Variants in GAS2 observed in about 807,000 individuals in gnomAD.
The protein encoded by GAS2 is growth arrest specific 2, also known as growth arrest-specific protein 2.
Under a neutral mutation model 37.5 loss-of-function variants are expected in GAS2, and 20 were observed. That is an observed-to-expected ratio of 0.53 (90% confidence interval 0.37 to 0.77). GAS2 has a LOEUF of 0.77. Ranked by LOEUF, GAS2 falls within the 30% of genes least tolerant of loss-of-function variation. GAS2 has a pLI of 0.00. For missense variants in GAS2, 336 were observed against 373.4 expected (o/e 0.90, Z 0.82); for synonymous variants, 144 against 132.2 (o/e 1.09, Z -0.61).
chr11:22,631,622 T>C (rs1858746026), intron 1 of GAS2, among the ~76,000 whole-genome samples: 1 of 152,300 alleles, frequency 6.6e-6, no homozygotes, highest in East Asian at 1.9e-4. Flanking sequence ...TGAACCACAT[T>C]TTTTGACTTG....
chr11:22,651,521 C>G (rs1326313784), intron 1 of GAS2, among the ~76,000 whole-genome samples: 1 of 152,200 alleles, frequency 6.6e-6, no homozygotes, highest in Non-Finnish European at 1.5e-5. Flanking sequence ...TGTTTTCCAA[C>G]TTGGTTCCAT....
At chr11:22,676,611 A>G (rs1849440062) in intron 2 of GAS2, among the ~76,000 whole-genome samples, 1 of 152,112 alleles carries the variant, frequency 6.6e-6, no homozygotes, top group African/African-American at 2.4e-5. Flanking sequence ...TGAATGATTA[A>G]AATATGTATA....
At position 22,654,799 on chromosome 11, in the gene GAS2, T is replaced by C. The variant is rs1010013657; in HGVS notation, c.-20-20051T>C. 1.1e-4 allele frequency among the ~76,000 whole-genome samples: 17 copies of C among 152,202 alleles called. 1 individual carries two copies. The highest frequency in any genetic ancestry group is 7.3e-5 in the Non-Finnish European group (5 of 68,042). ...CTTATTATTTATCTGATAAAGGATA[T>C]ATTCCTTGCCCAGGTAGTATCTCCC... On this transcript the variant is annotated intron_variant, in intron 1 of 5. Coordinates refer to the GAS2 transcript ENST00000528582.
intron 5 of GAS2, among the ~76,000 whole-genome samples, chr11:22,744,368 T>G (rs115975675): frequency 0.013 from 2,042 of 152,230 alleles, 52 homozygotes; most frequent in African/African-American, 0.047. Flanking sequence ...CAGGCCAATA[T>G]TTCTGCTGAA....
intron 3 of GAS2, among the ~76,000 whole-genome samples, chr11:22,691,112 G>A (rs559239217): frequency 6.6e-6 from 1 of 152,136 alleles, no homozygotes; most frequent in South Asian, 2.1e-4. Flanking sequence ...AGCAGATGAA[G>A]GAGGGGGCGG....
intron 7 of GAS2, among the ~76,000 whole-genome samples, chr11:22,805,529 C>G (rs905050560): frequency 6.6e-6 from 1 of 152,034 alleles, no homozygotes; most frequent in Non-Finnish European, 1.5e-5. Flanking sequence ...TCCTATCACC[C>G]TCACCCACCA....
At position 22,675,817 on chromosome 11, in the gene GAS2, T is replaced by G. The variant is rs909314039; in HGVS notation, c.145+803T>G. Among the ~76,000 whole-genome samples, 7 of 152,196 alleles carry G rather than the reference T, an allele frequency of 4.6e-5. No homozygotes were observed. In the East Asian group the frequency reaches 1.3e-3, roughly 29 times the overall value. ...TTTGCAGGGGAGATTTCATCAACAC[T>G]ATTTTATTATTTAAATCATCTGTCA... On this transcript the variant is annotated intron_variant, in intron 2 of 7. Coordinates refer to ENST00000454584, the MANE Select transcript of GAS2 (RefSeq NM_001143830.3).
chr11:22,738,556 G>C (rs1852878697), intron 5 of GAS2, among the ~76,000 whole-genome samples: 1 of 152,108 alleles, frequency 6.6e-6, no homozygotes. Context: ...ATTAGAAAAT[G>C]GTTTCTTATC....
At chr11:22,720,397 G>GT (rs910927755) in intron 3 of GAS2, among the ~76,000 whole-genome samples, 1 of 151,570 alleles carries the variant, frequency 6.6e-6, no homozygotes, top group Non-Finnish European at 1.5e-5. Flanking sequence ...ATACCACAAA[G>GT]TTTTTTTTCC....
At chr11:22,672,646 T>G (rs934854428) in intron 1 of GAS2, 3 of 152,186 alleles carry the variant, frequency 2.0e-5, no homozygotes, top group African/African-American at 7.2e-5. Context: ...AGAGATTGTG[T>G]CTTGAGAAGA....
intron 3 of GAS2, chr11:22,688,566 A>G (rs1850081677): frequency 6.6e-6 from 1 of 152,178 alleles, no homozygotes; most frequent in African/African-American, 2.4e-5. Flanking sequence ...AAGTTATGTA[A>G]GTACTTTCCT....
At chr11:22,670,200 G>T (rs562337971) in intron 1 of GAS2, among the ~76,000 whole-genome samples, 35 of 152,172 alleles carry the variant, frequency 2.3e-4, no homozygotes, top group African/African-American at 7.9e-4. Flanking sequence ...AATAGATGTG[G>T]GGAACAATGC....
intron 4 of GAS2, among the ~76,000 whole-genome samples, chr11:22,735,737 A>T (rs1010059487): frequency 6.6e-6 from 1 of 151,890 alleles, no homozygotes; most frequent in Non-Finnish European, 1.5e-5. Context: ...AAGAACCATT[A>T]TTATCAGGTA....
chr11:22,707,249 AT>A (rs140845502), intron 3 of GAS2, among the ~76,000 whole-genome samples: 3,792 of 152,146 alleles, frequency 0.025, 161 homozygotes, highest in African/African-American at 0.08. Flanking sequence ...GGGAAACATC[AT>A]TGTTTCTTAC....
At chr11:22,730,305 T>C (rs1353395662) in intron 4 of GAS2, among the ~76,000 whole-genome samples, 3 of 151,896 alleles carry the variant, frequency 2.0e-5, no homozygotes, top group East Asian at 1.9e-4. Flanking sequence ...ACATGAACAA[T>C]TGATTTATAT....
intron 3 of GAS2, among the ~76,000 whole-genome samples, chr11:22,708,124 C>G (rs928376540): frequency 1.3e-5 from 2 of 151,944 alleles, no homozygotes; most frequent in African/African-American, 4.8e-5. Context: ...AAGGAAGAAT[C>G]AAAGCTACCA....
At chr11:22,696,737 T>A (rs1850540359) in intron 3 of GAS2, among the ~76,000 whole-genome samples, 1 of 151,956 alleles carries the variant, frequency 6.6e-6, no homozygotes, top group Non-Finnish European at 1.5e-5. Flanking sequence ...TGCATAAATG[T>A]CTTCTTTTGA....
At chr11:22,700,285 A>G (rs963297139) in intron 3 of GAS2, among the ~76,000 whole-genome samples, 4 of 152,182 alleles carry the variant, frequency 2.6e-5, no homozygotes, top group African/African-American at 9.6e-5. Context: ...TTACCTTTAG[A>G]TCCAGAATAC....
intron 3 of GAS2, among the ~76,000 whole-genome samples, chr11:22,687,452 G>A (rs548321115): frequency 6.6e-6 from 1 of 152,316 alleles, no homozygotes; most frequent in African/African-American, 2.4e-5. Context: ...ATTCTAATGT[G>A]CAGCAAAGTT....
Sources: gnomAD v4.1 joint callset for allele counts (sites outside exome capture counted in the v4.1 genomes callset) on GRCh38, gnomAD v4.1.1 for gene constraint, MANE v1.5 for transcripts, NCBI Gene and HGNC (gene_info 2026-07-23, HGNC 2026-07-21) for gene names.